The following MIDEAS variants were observed in gnomAD, a reference collection of about 807,000 sequenced individuals.
MIDEAS encodes the protein mitotic deacetylase associated SANT domain protein.
MIDEAS carries 26 observed loss-of-function variants against 102.7 expected under a neutral mutation model. The ratio of observed to expected loss-of-function variants is 0.25; its 90% confidence interval spans 0.19 to 0.35. MIDEAS has a LOEUF of 0.35. Ranked by LOEUF, MIDEAS falls within the 10% of genes least tolerant of loss-of-function variation. MIDEAS has a pLI of 1.00. For missense variants in MIDEAS, 1,231 were observed against 1,435.6 expected (o/e 0.86, Z 2.30); for synonymous variants, 585 against 591.0 (o/e 0.99, Z 0.15).
chr14:73,752,975 A>G (rs561055850), intron 1 of MIDEAS, among the ~76,000 whole-genome samples: 3 of 152,312 alleles, frequency 2.0e-5, no homozygotes, highest in South Asian at 4.1e-4. Context: ...CCAAGAAGGG[A>G]GACCAAAGAT....
intron 10 of MIDEAS, 70 bp from the exon 11 acceptor site, chr14:73,721,579 C>A: frequency 3.4e-6 from 5 of 1,467,004 alleles, no homozygotes; most frequent in Non-Finnish European, 4.7e-6. Context: ...GATTCTGACC[C>A]GGCCGGGGGG....
chr14:73,734,088 G>A (rs899920751), intron 3 of MIDEAS, among the ~76,000 whole-genome samples: 3 of 151,796 alleles, frequency 2.0e-5, no homozygotes, highest in South Asian at 2.1e-4. Flanking sequence ...GGGTTCAAGC[G>A]ATTCTCCTGC....
chr14:73,780,429 C>A (rs745532037), intron 1 of MIDEAS, among the ~76,000 whole-genome samples: 5 of 152,208 alleles, frequency 3.3e-5, no homozygotes. Flanking sequence ...TGGCCATAGC[C>A]GTAACAGTAG....
rs184601398 is a variant in MIDEAS, at chr14:73,773,625, T to C, written c.-248+13477A>G. ...GTGCTTCTAGGTTCTAGAAACATAC[T>C]CTGCAAACAATATAAGCCCTGTGCT... is the stretch of plus-strand genomic sequence containing the variant. On this transcript the variant is annotated intron_variant, in intron 1 of 11. Transcript: ENST00000394071. Among the ~76,000 whole-genome samples, 69 of 152,076 alleles carry C rather than the reference T, an allele frequency of 4.5e-4. 1 individual carries two copies. Among genetic ancestry groups the C allele is most frequent in the Admixed American group, 8.5e-4 (13 of 15,278 alleles).
intron 1 of MIDEAS, among the ~76,000 whole-genome samples, chr14:73,752,858 C>A (rs78951675): frequency 5.9e-5 from 9 of 152,174 alleles, no homozygotes; most frequent in Non-Finnish European, 8.8e-5. Context: ...GCACAGCATG[C>A]GGGCACAGCA....
In MIDEAS at chr14:73,729,594, T is replaced by C. The variant is rs755512978; in HGVS notation, c.2095+46A>G. The C allele has an allele frequency of 3.3e-6, 5 of 1,501,774 alleles. No individual in the cohort carries two copies. The South Asian group carries it at 6.3e-5, about 19-fold the overall frequency. The allele number at this position is 1,501,774 out of a possible 1,614,324, so 93.0% of individuals were successfully genotyped here. On this transcript the variant is annotated intron_variant, in intron 4 of 12. Coordinates refer to ENST00000423556, the MANE Select transcript of MIDEAS (RefSeq NM_001367710.1). ...CAGGCTGAGATGCCTCCCTGCCCAG[T>C]GCCCCAGCCCCGCTCCTGCCAGGGT...
chr14:73,738,741 C>G lies in MIDEAS; in HGVS notation c.1268G>C (p.Arg423Pro), dbSNP rs1048677076. Reference sequence around the variant, plus strand: ...CTCGCTGCCCATGGCAGGAGCCTCTCGCTCCCGGCCATTGGGTGCTAGTCT... The same window carrying G: ...CTCGCTGCCCATGGCAGGAGCCTCTGGCTCCCGGCCATTGGGTGCTAGTCT... ...GERLAPNGRE[R>P]EAPAMGSEEG... The change falls in exon 2 of 13, where the codon CGA becomes CCA. Residue 423 changes from arginine (R) to proline (P), a missense_variant. Coordinates refer to ENST00000423556, the MANE Select transcript of MIDEAS (RefSeq NM_001367710.1). 2 of 1,611,572 alleles carry G rather than the reference C, an allele frequency of 1.2e-6. No individual in the cohort carries two copies. Among genetic ancestry groups the G allele is most frequent in the South Asian group, 2.2e-5 (2 of 90,842 alleles).
intron 1 of MIDEAS, among the ~76,000 whole-genome samples, chr14:73,752,143 C>T (rs763910030): frequency 5.3e-5 from 8 of 152,278 alleles, no homozygotes; most frequent in East Asian, 3.9e-4. Flanking sequence ...ATATATTCAT[C>T]GCACATCCCG....
In MIDEAS at chr14:73,718,964, T is replaced by C; in HGVS notation, c.3179A>G (p.His1060Arg). ...VKSRSAHMKS[H>R]AEQEKKAAAL... ...TGCAGCCTTCTTCTCCTGCTCTGCG[T>C]GGCTCTTCATATGCGCACTGCGGCT... The change falls in exon 13 of 13, where the codon CAC becomes CGC. Residue 1060 changes from histidine (H) to arginine (R), a missense_variant. By Grantham distance (29) the His-to-Arg change is conservative. This residue lies in a region of MIDEAS where 6 missense variants were observed against 17.3 expected (regional missense o/e 0.35). Coordinates refer to ENST00000423556, the MANE Select transcript of MIDEAS (RefSeq NM_001367710.1). 1 of 1,520,050 alleles carries C rather than the reference T, an allele frequency of 6.6e-7. No homozygotes were observed. Among genetic ancestry groups the C allele is most frequent in the Non-Finnish European group, 8.8e-7 (1 of 1,141,366 alleles). The allele number at this position is 1,520,050 out of a possible 1,614,324, so 94.2% of individuals were successfully genotyped here.
At chr14:73,737,935 C>A (rs1265303214) in intron 2 of MIDEAS, among the ~76,000 whole-genome samples, 1 of 151,830 alleles carries the variant, frequency 6.6e-6, no homozygotes, top group Non-Finnish European at 1.5e-5. Flanking sequence ...GCGTGCAGTA[C>A]CACACCTGGC....
In MIDEAS at chr14:73,722,843, T is replaced by C. The variant is rs780077416; in HGVS notation, c.2579A>G (p.Gln860Arg). Residue 860 changes from glutamine (Q) to arginine (R), a missense_variant, in exon 10 of 13, where the codon CAG becomes CGG. Gln to Arg is a conservative substitution (Grantham distance 43, BLOSUM62 1). Coordinates refer to ENST00000423556, the MANE Select transcript of MIDEAS (RefSeq NM_001367710.1). Reference protein sequence around the residue: ...KDFFLVQKLIQTKTVAQCVEF... With the variant: ...KDFFLVQKLIRTKTVAQCVEF... ...CACGCACTGGGCCACGGTCTTGGTC[T>C]GGATCTGGTTTGAAGTCAAAACTGA... 6.2e-7 allele frequency: 1 copy of C among 1,614,030 alleles called. No individual in the cohort carries two copies. Among genetic ancestry groups the C allele is most frequent in the Non-Finnish European group, 8.5e-7 (1 of 1,179,934 alleles).
At chr14:73,756,293 T>TGTGTGTGCGCGCGCGC (rs1555344800) in intron 1 of MIDEAS, among the ~76,000 whole-genome samples, 5 of 75,160 alleles carry the variant, frequency 6.7e-5, no homozygotes, top group Admixed American at 3.1e-4. Flanking sequence ...TGTGTGTGTG[T>TGTGTGTGCGCGCGCGC]GTGCGCGCGC....
intron 2 of MIDEAS, among the ~76,000 whole-genome samples, chr14:73,738,118 C>A (rs2053227636): frequency 6.6e-6 from 1 of 152,138 alleles, no homozygotes; most frequent in Admixed American, 6.5e-5. Flanking sequence ...GTGCTTCTGG[C>A]TGGACACGGT....
At chr14:73,726,759 G>A (rs1420411119) in intron 6 of MIDEAS, 52 bp from the exon 7 acceptor site, 5 of 1,612,076 alleles carry the variant, frequency 3.1e-6, no homozygotes, top group Non-Finnish European at 4.2e-6. Flanking sequence ...GTTCAGGGCG[G>A]GGCTGGGCAG....
At chr14:73,757,989 G>A (rs980686596) in intron 1 of MIDEAS, among the ~76,000 whole-genome samples, 3 of 152,156 alleles carry the variant, frequency 2.0e-5, no homozygotes, top group African/African-American at 4.8e-5. Context: ...AGGCCACACT[G>A]GCAGTGGCTA....
At chr14:73,779,213 C>A (rs529110328) in intron 1 of MIDEAS, among the ~76,000 whole-genome samples, 1 of 151,476 alleles carries the variant, frequency 6.6e-6, no homozygotes, top group Non-Finnish European at 1.5e-5. Flanking sequence ...ATGGTGAAAC[C>A]CTGTGTCTAC....
intron 1 of MIDEAS, among the ~76,000 whole-genome samples, chr14:73,749,604 G>A (rs1297348537): frequency 1.4e-5 from 2 of 147,888 alleles, no homozygotes; most frequent in African/African-American, 2.5e-5. Context: ...ATATATATAT[G>A]TATATTTATA....
At chr14:73,737,574 C>T (rs571209755) in intron 2 of MIDEAS, among the ~76,000 whole-genome samples, 12 of 151,916 alleles carry the variant, frequency 7.9e-5, no homozygotes, top group Middle Eastern at 3.4e-3. Context: ...TGCGGTGAGC[C>T]GAGATCGAAC....
Position 73,718,587 on chromosome 14 carries a change from C to T in MIDEAS, c.*256G>A, listed in dbSNP as rs926721397. 6 of 346,710 alleles carry T rather than the reference C, an allele frequency of 1.7e-5. No homozygotes were observed. The highest frequency in any genetic ancestry group is 4.4e-5 in the East Asian group (1 of 22,532). 21.5% of individuals were successfully genotyped at this position (346,710 alleles called of 1,614,324 possible). Reference sequence around the variant, plus strand: ...AGTCCCTCCCGAGGGGACCGGGACTCTCCCGGTCCAGGAAAGCACGAGGAC... The same window carrying T: ...AGTCCCTCCCGAGGGGACCGGGACTTTCCCGGTCCAGGAAAGCACGAGGAC... On this transcript the variant is annotated 3_prime_UTR_variant, in exon 13 of 13. Transcript: ENST00000423556.
Sources: gnomAD v4.1 joint callset for allele counts (sites outside exome capture counted in the v4.1 genomes callset) on GRCh38, gnomAD v4.1.1 for gene constraint, gnomAD v4.1.1 regional missense constraint, MANE v1.5 for transcripts, NCBI Gene and HGNC (gene_info 2026-07-23, HGNC 2026-07-21) for gene names.